The following CPNE9 variants were observed in gnomAD, a reference collection of about 807,000 sequenced individuals.
CPNE9 encodes the protein copine family member 9.
CPNE9 carries 59 observed loss-of-function variants against 83.0 expected under a neutral mutation model. That is an observed-to-expected ratio of 0.71 (90% CI 0.58 to 0.88). CPNE9 has a LOEUF of 0.88. Among genes scored for constraint, CPNE9 ranks in the 40% least tolerant of loss-of-function variants. The pLI is 0.00. For missense variants in CPNE9, 619 were observed against 720.8 expected, an observed-to-expected ratio of 0.86 and a Z score of 1.62; for synonymous variants, 256 against 273.4, an observed-to-expected ratio of 0.94 and a Z score of 0.63.
At chr3:9,709,326 T>A in intron 7 of CPNE9, among the ~76,000 whole-genome samples, 1 of 146,920 alleles carries the variant, frequency 6.8e-6, no homozygotes, top group Non-Finnish European at 1.5e-5. Flanking sequence ...AAAAGAGATG[T>A]GGCTGAAGCA....
Position 9,729,690 on chromosome 3 carries a change from T to C in CPNE9, c.1660T>C (p.Ter554ArgextTer?), listed in dbSNP as rs1459202463. The change falls in exon 21 of 21, where the codon TGA becomes CGA. Residue 554 changes from the stop codon to arginine (R), a stop_lost. Transcript: ENST00000383832. ...CCCGATCCCAGCTCCAGAGCAGCCC[T>C]GAGGATTCCACATATCCAATGCCTC... is the stretch of plus-strand genomic sequence containing the variant. ...PSPIPAPEQP[*>R] The C allele has an allele frequency of 6.2e-7, 1 of 1,610,220 alleles. No individual in the cohort carries two copies. The highest frequency in any genetic ancestry group is 1.1e-5 in the South Asian group (1 of 90,856).
chr3:9,710,814 CAGG>C (rs2076619508), intron 7 of CPNE9, among the ~76,000 whole-genome samples: 3 of 152,092 alleles, frequency 2.0e-5, no homozygotes, highest in Admixed American at 2.0e-4. Flanking sequence ...CTCTTGAGGC[CAGG>C]AGTTCAAGAC....
intron 20 of CPNE9, among the ~76,000 whole-genome samples, chr3:9,728,349 C>A (rs1015439904): frequency 6.6e-6 from 1 of 152,092 alleles, no homozygotes; most frequent in Non-Finnish European, 1.5e-5. Context: ...AAAGGCCGGG[C>A]GCGGTGGCTC....
chr3:9,723,725 G>T (rs773383404), intron 17 of CPNE9, among the ~76,000 whole-genome samples: 3 of 151,784 alleles, frequency 2.0e-5, no homozygotes, highest in South Asian at 2.1e-4. Flanking sequence ...AAATTTTTTC[G>T]TAGAGACCAG....
At position 9,726,046 on chromosome 3, in the gene CPNE9, G is replaced by A. The variant is rs148657740; in HGVS notation, c.1339G>A (p.Val447Ile). 3.7e-5 allele frequency: 59 copies of A among 1,594,288 alleles called. No homozygotes were observed. The highest frequency in any genetic ancestry group is 4.7e-5 in the Non-Finnish European group (55 of 1,168,040). The change falls in exon 18 of 21, where the codon GTC (valine) becomes ATC (isoleucine). Residue 447 changes from valine (V) to isoleucine (I), a missense_variant. Coordinates refer to ENST00000383832, the MANE Select transcript of CPNE9 (RefSeq NM_153635.3). ...CATGACGCAGACCAAGGAGGCCATC[G>A]TCAGCGTGAGTCTGAGGAGGAGGGC... ...SDMTQTKEAIVSASSLPMSII... is the reference protein window; with the variant it reads ...SDMTQTKEAIISASSLPMSII...
chr3:9,710,822 C>T (rs896846568), intron 7 of CPNE9, among the ~76,000 whole-genome samples: 12 of 152,022 alleles, frequency 7.9e-5, no homozygotes, highest in African/African-American at 2.9e-4. Context: ...GCCAGGAGTT[C>T]AAGACCAGTC....
At position 9,703,879 on chromosome 3, in the gene CPNE9, T is replaced by C; in HGVS notation, c.-118T>C. 3.8e-6 allele frequency: 3 copies of C among 791,958 alleles called. No individual in the cohort carries two copies. Among genetic ancestry groups the C allele is most frequent in the Non-Finnish European group, 5.6e-6 (3 of 538,152 alleles). 49.1% of individuals were successfully genotyped at this position (791,958 alleles called of 1,614,324 possible). A position where few individuals can be genotyped will look rare whatever the true frequency, so the allele number is the denominator to read the frequency against. On this transcript the variant is annotated 5_prime_UTR_variant, in exon 1 of 21. Coordinates refer to ENST00000383832, the MANE Select transcript of CPNE9 (RefSeq NM_153635.3). The stretch of plus-strand genomic sequence containing the variant: ...GGAGCGCACGCAGGGCTGGAGCGAG[T>C]GCAGCCGCCGCCGCCGCCGACACCG...
At position 9,705,774 on chromosome 3, in the gene CPNE9, A is replaced by ATATTGTGGGT. The variant is rs1387581038; in HGVS notation, c.300+54_300+55insTATTGTGGGT. ...TGGGGGTGGGGGTGGTATTGTGGAG[A>ATATTGTGGGT]ACAGGCTTGGACTGATGACCCACTA... On this transcript the variant is annotated intron_variant, in intron 6 of 20. Coordinates refer to ENST00000383832, the MANE Select transcript of CPNE9 (RefSeq NM_153635.3). 3.1e-6 allele frequency: 5 copies of ATATTGTGGGT among 1,593,782 alleles called. No individual in the cohort carries two copies. The African/African-American group carries it at 6.7e-5, about 21-fold the overall frequency.
At chr3:9,715,218 TAA>T in intron 11 of CPNE9, 69 bp from the exon 12 acceptor site, 1 of 1,526,136 alleles carries the variant, frequency 6.6e-7, no homozygotes, top group Non-Finnish European at 9.1e-7. Flanking sequence ...ATAGGAGGAA[TAA>T]AAGACTGGGT....
At chr3:9,715,239 G>T in intron 11 of CPNE9, 50 bp from the exon 12 acceptor site, 1 of 1,581,032 alleles carries the variant, frequency 6.3e-7, no homozygotes, top group South Asian at 1.1e-5. Flanking sequence ...GTTCAGCTCT[G>T]GTTCCAAACC....
intron 15 of CPNE9, among the ~76,000 whole-genome samples, chr3:9,717,317 G>A (rs1417627934): frequency 6.6e-6 from 1 of 152,200 alleles, no homozygotes; most frequent in Non-Finnish European, 1.5e-5. Context: ...ACAGGTGGAT[G>A]AGTAGGCTGA....
chr3:9,715,036 CCCAAAG>C, intron 11 of CPNE9, 81 bp downstream of exon 11: 1 of 1,329,550 alleles, frequency 7.5e-7, no homozygotes, highest in South Asian at 1.2e-5. Flanking sequence ...CACTGAGAAC[CCCAAAG>C]TAGCTTTAGG....
At chr3:9,719,350 C>G (rs984554300) in intron 17 of CPNE9, among the ~76,000 whole-genome samples, 7 of 152,092 alleles carry the variant, frequency 4.6e-5, no homozygotes, top group Admixed American at 1.3e-4. Flanking sequence ...ATTACCCTAA[C>G]CCCACTGCCT....
rs1452207400 is a variant in CPNE9, at chr3:9,705,763, G to T, written c.300+43G>T. The T allele has an allele frequency of 1.9e-6, 3 of 1,603,298 alleles. No individual in the cohort carries two copies. The East Asian group carries it at 6.7e-5, about 36-fold the overall frequency. On this transcript the variant is annotated intron_variant, in intron 6 of 20. Coordinates refer to ENST00000383832, the MANE Select transcript of CPNE9 (RefSeq NM_153635.3). ...TGGGCAGAGGTTGGGGGTGGGGGTGGTATTGTGGAGAACAGGCTTGGACTG... is the reference window on the plus strand; with the variant it reads ...TGGGCAGAGGTTGGGGGTGGGGGTGTTATTGTGGAGAACAGGCTTGGACTG...
Position 9,704,533 on chromosome 3 carries a change from GAGGCGGGCGGACTCC to G in CPNE9, c.69-50_69-36del. ...TCAGTGCCCGGCTCAGAGCCGACTC[GAGGCGGGCGGACTCC>G]AGGATGATCCACTCTGTCTGTCTGT... On this transcript the variant is annotated intron_variant, in intron 1 of 20. Transcript: ENST00000383832. This position sits in a 1 kb window ranked among gnomAD's most constrained non-coding sequence, Gnocchi z 7.1. 6.9e-7 allele frequency: 1 copy of G among 1,446,254 alleles called. No individual in the cohort carries two copies. Among genetic ancestry groups the G allele is most frequent in the South Asian group, 1.3e-5 (1 of 76,808 alleles). 89.6% of individuals were successfully genotyped at this position (1,446,254 alleles called of 1,614,324 possible).
rs1165145512 is a variant in CPNE9, at chr3:9,718,492, C to T, written c.1131C>T (p.Asp377=). 1.9e-6 allele frequency: 3 copies of T among 1,613,274 alleles called. No individual in the cohort carries two copies. The highest frequency in any genetic ancestry group is 2.5e-6 in the Non-Finnish European group (3 of 1,179,858). The change falls in exon 17 of 21, where the codon GAC becomes GAT. Residue 377 remains aspartate, a synonymous_variant. Transcript: ENST00000383832. ...HQFPLNNNDE[D]PNCAGIEGVL... The stretch of plus-strand genomic sequence containing the variant: ...TTTGACAGAACAACAATGATGAGGA[C>T]CCCAACTGTGCGGGCATCGAGGGTG...
rs558446422 is a variant in CPNE9 at position 9,708,665 on chromosome 3, G to A, written c.377+2602G>A. 2.0e-3 allele frequency among the ~76,000 whole-genome samples: 299 copies of A among 151,624 alleles called. 4 individuals carry two copies. Among genetic ancestry groups the A allele is most frequent in the Non-Finnish European group, 4.7e-4 (32 of 67,948 alleles). On this transcript the variant is annotated intron_variant, in intron 7 of 20. Coordinates refer to ENST00000383832, the MANE Select transcript of CPNE9 (RefSeq NM_153635.3). ...AATCTTTTTTTTGAGACGGAGTCTC[G>A]CTCTGTCACCCAGCTGGAGTGCAGT...
chr3:9,726,808 A>T (rs758735863), intron 19 of CPNE9, 86 bp downstream of exon 19: 83 of 1,220,538 alleles, frequency 6.8e-5, no homozygotes, highest in South Asian at 8.6e-5. Context: ...TGCCTCACAG[A>T]TGACACAAGG....
chr3:9,717,520 G>A (rs1373907344), intron 15 of CPNE9, among the ~76,000 whole-genome samples: 3 of 152,206 alleles, frequency 2.0e-5, no homozygotes, highest in Non-Finnish European at 4.4e-5. Context: ...GAAATAACAA[G>A]TAATTAGGGG....
Sources: allele counts gnomAD v4.1 joint callset (sites outside exome capture counted in the v4.1 genomes callset), GRCh38; gene constraint gnomAD v4.1.1; non-coding constraint Gnocchi (gnomAD v3.1); transcripts MANE v1.5; gene names NCBI Gene and HGNC (gene_info 2026-07-23, HGNC 2026-07-21).